Variants in RARB observed in about 807,000 individuals in gnomAD.
RARB encodes retinoic acid receptor beta, also known as HBV-activated protein.
RARB carries 17 observed loss-of-function variants against 51.9 expected under a neutral mutation model. That is an observed-to-expected ratio of 0.33 (90% confidence interval 0.22 to 0.49). The LOEUF (loss-of-function observed/expected upper bound fraction) is 0.49. Ranked by LOEUF, RARB falls within the 20% of genes least tolerant of loss-of-function variation. The pLI is 0.99. For missense variants in RARB, 369 were observed against 550.8 expected, an observed-to-expected ratio of 0.67 and a Z score of 3.30; for synonymous variants, 215 against 195.4, an observed-to-expected ratio of 1.10 and a Z score of -0.84.
At chr3:24,859,088 T>C (rs893505544) in intron 2 of RARB, among the ~76,000 whole-genome samples, 2 of 150,942 alleles carry the variant, frequency 1.3e-5, no homozygotes, top group African/African-American at 2.4e-5. Context: ...ATACTCTTAT[T>C]AGAAGCTATG....
chr3:25,438,118 G>T (rs762832390), intron 1 of RARB, among the ~76,000 whole-genome samples: 21 of 152,220 alleles, frequency 1.4e-4, no homozygotes, highest in Non-Finnish European at 2.4e-4. Flanking sequence ...GCTGGTGGTG[G>T]ATGTTGGTTG....
At chr3:24,903,499 TA>T (rs553493303) in intron 2 of RARB, among the ~76,000 whole-genome samples, 3 of 152,160 alleles carry the variant, frequency 2.0e-5, no homozygotes, top group Non-Finnish European at 4.4e-5. Flanking sequence ...TAATCATAAA[TA>T]TATTTAATAT....
chr3:25,217,094 C>T (rs1417457022), intron 5 of RARB, among the ~76,000 whole-genome samples: 3 of 152,154 alleles, frequency 2.0e-5, no homozygotes, highest in African/African-American at 7.2e-5. Context: ...CTCAATCCTT[C>T]CTTCATTAGG....
intron 5 of RARB, among the ~76,000 whole-genome samples, chr3:25,389,769 G>A (rs1706897046): frequency 6.6e-6 from 1 of 152,188 alleles, no homozygotes; most frequent in Non-Finnish European, 1.5e-5. Flanking sequence ...CTAATAGAAA[G>A]TGCACCTGTG....
Position 25,580,662 on chromosome 3 carries a change from C to T in RARB, c.726C>T (p.Phe242=), listed in dbSNP as rs1331651292. ...AGTTTGCTAAACGTCTGCCTGGTTTCACTGGCTTGACCATCGCAGACCAAA... is the reference window on the plus strand; with the variant it reads ...AGTTTGCTAAACGTCTGCCTGGTTTTACTGGCTTGACCATCGCAGACCAAA... The part of the protein sequence containing the change: ...IVEFAKRLPG[F]TGLTIADQIT... Residue 242 remains phenylalanine (F), a synonymous_variant, in exon 5 of 8, where the codon TTC becomes TTT. Transcript: ENST00000330688. 2 of 1,613,188 alleles carry T rather than the reference C, an allele frequency of 1.2e-6. No individual in the cohort carries two copies. Among genetic ancestry groups the T allele is most frequent in the East Asian group, 2.2e-5 (1 of 44,870 alleles).
intron 1 of RARB, among the ~76,000 whole-genome samples, chr3:24,837,750 G>A (rs1702362521): frequency 6.6e-6 from 1 of 152,170 alleles, no homozygotes. Flanking sequence ...AAACATAAAT[G>A]ATTAATGACA....
At chr3:25,366,591 T>C (rs368537363) in intron 5 of RARB, among the ~76,000 whole-genome samples, 22 of 152,168 alleles carry the variant, frequency 1.4e-4, no homozygotes, top group African/African-American at 4.8e-4. Flanking sequence ...GGAAATAATA[T>C]ACAGGGCACA....
chr3:24,983,566 G>C, intron 2 of RARB, among the ~76,000 whole-genome samples: 1 of 151,872 alleles, frequency 6.6e-6, no homozygotes. Context: ...CTGGTGTGTG[G>C]TGCTCCCCTC....
intron 5 of RARB, among the ~76,000 whole-genome samples, chr3:25,283,869 C>A (rs895696964): frequency 1.3e-5 from 2 of 152,188 alleles, no homozygotes; most frequent in Non-Finnish European, 2.9e-5. Context: ...TCTCTAGTAG[C>A]GCTCAGTGAT....
At chr3:25,367,991 G>C (rs1706182152) in intron 5 of RARB, among the ~76,000 whole-genome samples, 1 of 152,094 alleles carries the variant, frequency 6.6e-6, no homozygotes, top group Non-Finnish European at 1.5e-5. Context: ...TCTGTGAAAT[G>C]AGAATATGTA....
chr3:25,571,660 T>C (rs1315383342), intron 4 of RARB, among the ~76,000 whole-genome samples: 2 of 152,240 alleles, frequency 1.3e-5, no homozygotes, highest in Non-Finnish European at 2.9e-5. Context: ...AACAGAGGCC[T>C]GGAACCACAC....
chr3:25,197,285 G>T (rs376906682), intron 5 of RARB, among the ~76,000 whole-genome samples: 8 of 152,226 alleles, frequency 5.3e-5, no homozygotes, highest in Admixed American at 3.9e-4. Flanking sequence ...TCTGCATATG[G>T]CTAGCCAGTT....
chr3:25,542,985 A>G (rs564619852), intron 3 of RARB, among the ~76,000 whole-genome samples: 1 of 152,356 alleles, frequency 6.6e-6, no homozygotes, highest in African/African-American at 2.4e-5. Context: ...ATTCAAGATT[A>G]TAACATTTGT....
intron 5 of RARB, among the ~76,000 whole-genome samples, chr3:25,197,460 A>G (rs1393561811): frequency 6.6e-6 from 1 of 151,752 alleles, no homozygotes. Context: ...GCAATAAGAC[A>G]GTAGAAAGAA....
intron 2 of RARB, among the ~76,000 whole-genome samples, chr3:24,918,688 T>C (rs1038455477): frequency 6.6e-6 from 1 of 152,026 alleles, no homozygotes; most frequent in Non-Finnish European, 1.5e-5. Flanking sequence ...TTCAAGACCA[T>C]CCTGGCCAAC....
intron 3 of RARB, among the ~76,000 whole-genome samples, chr3:25,568,098 A>T (rs1275433641): frequency 6.6e-6 from 1 of 152,178 alleles, no homozygotes; most frequent in African/African-American, 2.4e-5. Context: ...CTGGGAAAGA[A>T]TACAGCTGAG....
intron 3 of RARB, among the ~76,000 whole-genome samples, chr3:25,562,385 A>G (rs1286491847): frequency 6.6e-6 from 1 of 152,230 alleles, no homozygotes; most frequent in Non-Finnish European, 1.5e-5. Flanking sequence ...TGCCATAAAT[A>G]AAAGGCTTCA....
At chr3:25,156,173 T>G (rs1700371299) in intron 4 of RARB, among the ~76,000 whole-genome samples, 2 of 152,202 alleles carry the variant, frequency 1.3e-5, no homozygotes, top group Admixed American at 6.5e-5. Context: ...AAGAATGTCG[T>G]CTGATACTGA....
chr3:25,403,222 T>A (rs967631542), intron 5 of RARB, among the ~76,000 whole-genome samples: 1 of 151,564 alleles, frequency 6.6e-6, no homozygotes, highest in African/African-American at 2.4e-5. Context: ...GTGACTGTAG[T>A]CAGTAATAAC....
Sources: allele counts gnomAD v4.1 joint callset (sites outside exome capture counted in the v4.1 genomes callset), GRCh38; gene constraint gnomAD v4.1.1; transcripts MANE v1.5; gene names NCBI Gene and HGNC (gene_info 2026-07-23, HGNC 2026-07-21).